HMCN1: variants seen among roughly 807,000 people sequenced by gnomAD.
HMCN1 encodes the protein hemicentin-1.
HMCN1 carries 321 observed loss-of-function variants against 625.9 expected under a neutral mutation model. That is an observed-to-expected ratio of 0.51 (90% confidence interval 0.47 to 0.56). HMCN1 has a LOEUF of 0.56. Among genes scored for constraint, HMCN1 ranks in the 20% least tolerant of loss-of-function variants. HMCN1 has a pLI of 0.00. For missense variants in HMCN1, 6,588 were observed against 6,887.3 expected (o/e 0.96, Z 1.54); for synonymous variants, 2,425 against 2,417.6 (o/e 1.00, Z -0.09).
chr1:185,795,362 T>A (rs1658299321), intron 1 of HMCN1, among the ~76,000 whole-genome samples: 1 of 152,226 alleles, frequency 6.6e-6, no homozygotes, highest in African/African-American at 2.4e-5. Context: ...AGAGTCATTT[T>A]AAATTCTCTT....
chr1:186,122,880 C>T (rs1661460795), intron 80 of HMCN1, 71 bp from the exon 81 acceptor site: 2 of 1,460,324 alleles, frequency 1.4e-6, no homozygotes, highest in African/African-American at 1.4e-5. Context: ...TAGAGCAGTA[C>T]TGTAGTATGT....
In HMCN1 at chr1:186,189,716, G is replaced by A. The variant is rs190139182; in HGVS notation, c.16746G>A (p.Leu5582=). The stretch of plus-strand genomic sequence containing the variant: ...AGGAACAGACTGTTCCTTTTGCCTT[G>A]AGGGATGAAAACCTGAAAGGAGTGG... ...VDEEQTVPFA[L]RDENLKGVVY... The change falls in exon 107 of 107, where the codon TTG becomes TTA. Residue 5582 remains leucine (L), a synonymous_variant. Coordinates refer to ENST00000271588, the MANE Select transcript of HMCN1 (RefSeq NM_031935.3). 5.6e-6 allele frequency: 9 copies of A among 1,613,484 alleles called. No homozygotes were observed. The Admixed American group carries it at 8.3e-5, about 15-fold the overall frequency.
intron 11 of HMCN1, among the ~76,000 whole-genome samples, chr1:185,947,458 A>AAGAAGTTT (rs752318579): frequency 2.6e-5 from 4 of 152,218 alleles, no homozygotes; most frequent in Non-Finnish European, 5.9e-5. Flanking sequence ...ATAACAAGAG[A>AAGAAGTTT]AGAAGTTTTA....
intron 104 of HMCN1, 37 bp downstream of exon 104, chr1:186,178,803 C>G: frequency 7.4e-7 from 1 of 1,342,882 alleles, no homozygotes; most frequent in Non-Finnish European, 1.1e-6. Flanking sequence ...TTTCTGTGGG[C>G]TCTCTTACTG....
chr1:185,823,016 T>C (rs1483847714), intron 1 of HMCN1, among the ~76,000 whole-genome samples: 1 of 152,158 alleles, frequency 6.6e-6, no homozygotes, highest in Non-Finnish European at 1.5e-5. Context: ...TCCTTTAACT[T>C]ATCTCACTCT....
At position 186,016,972 on chromosome 1, in the gene HMCN1, C is replaced by CTA. The variant is rs1489467997; in HGVS notation, c.5204_5205dup (p.Glu1736Ter). 6.3e-7 allele frequency: 1 copy of CTA among 1,588,564 alleles called. No individual in the cohort carries two copies. The highest frequency in any genetic ancestry group is 1.7e-5 in the Admixed American group (1 of 59,896). The stretch of plus-strand genomic sequence containing the variant: ...TCCTGTTGTTTTCTAGTGCCACCAG[C>CTA]TATAGAAGGAGGAGATGAAACATCT... On this transcript the variant is annotated frameshift_variant, in exon 33 of 107. Coordinates refer to ENST00000271588, the MANE Select transcript of HMCN1 (RefSeq NM_031935.3). LOFTEE classifies it high-confidence loss of function.
At chr1:186,121,317 G>A (rs1661386299) in intron 80 of HMCN1, among the ~76,000 whole-genome samples, 1 of 152,116 alleles carries the variant, frequency 6.6e-6, no homozygotes, top group Admixed American at 6.6e-5. Flanking sequence ...CTCTCATTTG[G>A]TTTTAGGAAG....
In HMCN1 at chr1:186,117,482, C is replaced by A. The variant is rs980876592; in HGVS notation, c.11707C>A (p.Pro3903Thr). The change falls in exon 77 of 107, where the codon CCT (proline) becomes ACT (threonine). Residue 3903 changes from proline (P) to threonine (T), a missense_variant. Transcript: ENST00000271588. ...AGTTCCACCTTCCATAGCTGATGAG[C>A]CTACAGATTTCCTAGTAACCAAACA... Reference protein sequence around the residue: ...VQVPPSIADEPTDFLVTKHAP... With the variant: ...VQVPPSIADETTDFLVTKHAP... 1 of 1,613,742 alleles carries A rather than the reference C, an allele frequency of 6.2e-7. No individual in the cohort carries two copies. Among genetic ancestry groups the A allele is most frequent in the Non-Finnish European group, 8.5e-7 (1 of 1,179,778 alleles).
At chr1:185,883,127 T>C (rs934108485) in intron 4 of HMCN1, among the ~76,000 whole-genome samples, 2 of 152,052 alleles carry the variant, frequency 1.3e-5, no homozygotes, top group African/African-American at 4.8e-5. Flanking sequence ...AATATATACA[T>C]ATATATGTGT....
Position 186,069,761 on chromosome 1 carries a change from G to A in HMCN1, c.7978G>A (p.Glu2660Lys), listed in dbSNP as rs985818530. 3.7e-6 allele frequency: 6 copies of A among 1,610,508 alleles called. No homozygotes were observed. The Admixed American group carries it at 6.7e-5, about 18-fold the overall frequency. ...NEAGEMIKHY[E>K]VKVYIPPIIN... ...GGCTGGAGAAATGATAAAGCACTAT[G>A]AAGTGAAGGTGTACAGTAAGTTCTG... Residue 2660 changes from glutamate to lysine, a missense_variant, in exon 51 of 107, where the codon GAA (glutamate) becomes AAA (lysine). Around this residue, in one of 3 missense-constraint regions of HMCN1, gnomAD observed 4,628 missense variants for 4,853.1 expected, o/e 0.95. Coordinates refer to ENST00000271588, the MANE Select transcript of HMCN1 (RefSeq NM_031935.3).
chr1:186,135,715 G>A (rs984105685), intron 86 of HMCN1, among the ~76,000 whole-genome samples: 34 of 152,100 alleles, frequency 2.2e-4, no homozygotes, highest in African/African-American at 7.5e-4. Flanking sequence ...ATACCAATCC[G>A]TAACAAAGTT....
At chr1:185,796,254 T>C (rs559088494) in intron 1 of HMCN1, among the ~76,000 whole-genome samples, 28 of 152,176 alleles carry the variant, frequency 1.8e-4, no homozygotes, top group Non-Finnish European at 3.5e-4. Context: ...TTTGTGCTCC[T>C]AGGAGAATCT....
chr1:186,015,396 T>C lies in HMCN1; in HGVS notation c.4868T>C (p.Val1623Ala). The C allele has an allele frequency of 6.2e-7, 1 of 1,613,656 alleles. No homozygotes were observed. Among genetic ancestry groups the C allele is most frequent in the South Asian group, 1.1e-5 (1 of 91,078 alleles). ...ACATATACGTGTCATGTAGCCAATG[T>C]TGCTGGAACTGCTGAAAAATCATTC... ...SATYTCHVANVAGTAEKSFHV... is the reference protein window; with the variant it reads ...SATYTCHVANAAGTAEKSFHV... The change falls in exon 31 of 107, where the codon GTT becomes GCT. Residue 1623 changes from valine (V) to alanine (A), a missense_variant. This residue lies in a region of HMCN1 where 4,628 missense variants were observed against 4,853.1 expected (regional missense o/e 0.95). Transcript: ENST00000271588.
chr1:185,941,483 A>G (rs773261181), intron 11 of HMCN1, among the ~76,000 whole-genome samples: 36 of 152,216 alleles, frequency 2.4e-4, no homozygotes, highest in Non-Finnish European at 4.9e-4. Context: ...AAGATCTGGA[A>G]TTTTGTAGGA....
At chr1:186,161,013 CA>C (rs1267541341) in intron 97 of HMCN1, among the ~76,000 whole-genome samples, 1 of 152,132 alleles carries the variant, frequency 6.6e-6, no homozygotes, top group African/African-American at 2.4e-5. Flanking sequence ...CTAATGTTTA[CA>C]GGGGGTGTTA....
chr1:185,962,842 G>A (rs1650127604), intron 12 of HMCN1, among the ~76,000 whole-genome samples, 183 bp downstream of exon 12: 1 of 152,110 alleles, frequency 6.6e-6, no homozygotes, highest in Non-Finnish European at 1.5e-5. Context: ...TATAAAGTTT[G>A]AGGTTATTGA....
At chr1:185,836,313 A>G (rs1254579890) in intron 1 of HMCN1, among the ~76,000 whole-genome samples, 1 of 152,058 alleles carries the variant, frequency 6.6e-6, no homozygotes, top group Non-Finnish European at 1.5e-5. Context: ...AATAGAAAAT[A>G]CTCATTCTAT....
At chr1:185,767,140 G>T (rs1655929360) in intron 1 of HMCN1, among the ~76,000 whole-genome samples, 1 of 151,942 alleles carries the variant, frequency 6.6e-6, no homozygotes, top group African/African-American at 2.4e-5. Flanking sequence ...GTTAATTTCA[G>T]ATTCAAATTA....
At chr1:186,160,670 C>CGTT (rs1448637140) in intron 97 of HMCN1, among the ~76,000 whole-genome samples, 6 of 152,106 alleles carry the variant, frequency 3.9e-5, no homozygotes, top group Non-Finnish European at 8.8e-5. Context: ...GCCTTGATTT[C>CGTT]GTTATGTACC....
Sources: allele counts gnomAD v4.1 joint callset (sites outside exome capture counted in the v4.1 genomes callset), GRCh38; gene constraint gnomAD v4.1.1; regional missense constraint gnomAD v4.1.1; transcripts MANE v1.5; gene names NCBI Gene and HGNC (gene_info 2026-07-23, HGNC 2026-07-21).